ZYG11B: variants seen among roughly 807,000 people sequenced by gnomAD.
ZYG11B encodes the protein zyg-11 family member B, cell cycle regulator.
ZYG11B carries 36 observed loss-of-function variants against 82.4 expected under a neutral mutation model. The ratio of observed to expected loss-of-function variants is 0.44; its 90% CI spans 0.33 to 0.58. ZYG11B has a LOEUF of 0.58. Ranked by LOEUF, ZYG11B falls within the 20% of genes least tolerant of loss-of-function variation. The pLI, the probability that ZYG11B is intolerant of heterozygous loss-of-function variation, is 0.02. For synonymous variants in ZYG11B, 303 were observed against 312.8 expected (o/e 0.97, Z 0.33); for missense variants, 552 against 895.6 (o/e 0.62, Z 4.90).
chr1:52,777,596 A>T (rs1644820700), intron 3 of ZYG11B, among the ~76,000 whole-genome samples: 1 of 152,054 alleles, frequency 6.6e-6, no homozygotes, highest in African/African-American at 2.4e-5. Context: ...ATGCACCATC[A>T]CACGTAACTA....
intron 13 of ZYG11B, among the ~76,000 whole-genome samples, chr1:52,817,540 C>T (rs1213088848): frequency 6.6e-6 from 1 of 150,946 alleles, no homozygotes; most frequent in African/African-American, 2.4e-5. Context: ...TGCACGTCAC[C>T]ATACCTGGCT....
At chr1:52,799,324 A>C (rs997654434) in intron 8 of ZYG11B, among the ~76,000 whole-genome samples, 12 of 151,884 alleles carry the variant, frequency 7.9e-5, no homozygotes, top group Admixed American at 7.2e-4. Context: ...CGTCTCTACT[A>C]AAAATACAAA....
intron 6 of ZYG11B, among the ~76,000 whole-genome samples, chr1:52,791,696 C>T (rs1344606722): frequency 6.6e-6 from 1 of 152,156 alleles, no homozygotes; most frequent in Non-Finnish European, 1.5e-5. Flanking sequence ...CTGTGATTTA[C>T]TTTTATTTGA....
intron 7 of ZYG11B, 99 bp downstream of exon 7, chr1:52,796,490 C>A: frequency 9.3e-7 from 1 of 1,073,220 alleles, no homozygotes; most frequent in Non-Finnish European, 1.4e-6. Context: ...ATTAGTAAAT[C>A]TCTCTGCCAG....
chr1:52,747,970 T>C (rs1644490334), intron 1 of ZYG11B, among the ~76,000 whole-genome samples: 1 of 152,234 alleles, frequency 6.6e-6, no homozygotes, highest in Non-Finnish European at 1.5e-5. Flanking sequence ...AATGAAATTA[T>C]ATATGTAAAG....
chr1:52,811,995 C>T (rs1414538472), intron 10 of ZYG11B, among the ~76,000 whole-genome samples: 2 of 151,974 alleles, frequency 1.3e-5, no homozygotes, highest in African/African-American at 2.4e-5. Flanking sequence ...CGCGCCACTG[C>T]ACTCCAGCCT....
intron 6 of ZYG11B, among the ~76,000 whole-genome samples, chr1:52,794,237 G>A (rs1397875834): frequency 6.6e-6 from 1 of 152,082 alleles, no homozygotes; most frequent in Non-Finnish European, 1.5e-5. Context: ...GCCTCCCAAA[G>A]TGCTGGGATT....
At chr1:52,782,554 A>G (rs1644865612) in intron 4 of ZYG11B, among the ~76,000 whole-genome samples, 1 of 151,780 alleles carries the variant, frequency 6.6e-6, no homozygotes, top group Non-Finnish European at 1.5e-5. Context: ...ACACCTGGCT[A>G]ATTTTTCAAA....
chr1:52,734,441 T>TG (rs1401016976), intron 1 of ZYG11B, among the ~76,000 whole-genome samples: 4 of 36,040 alleles, frequency 1.1e-4, no homozygotes, highest in Non-Finnish European at 1.7e-4. Context: ...GAATAAAAGG[T>TG]TTTTTTTTTT....
rs11446988 is a variant in ZYG11B at position 52,746,687 on chromosome 1, G to GTTTTTTTTTTTTTTTTTTT, written c.31-9762_31-9744dup. ...ACCAAAAAAATAAAGATCGGCCACTGTTTTTTTTTTTTTTTTTTTTTTTTT... is the reference window on the plus strand; with the variant it reads ...ACCAAAAAAATAAAGATCGGCCACTGTTTTTTTTTTTTTTTTTTTTTTTTTTTTTTTTTTTTTTTTTTTT... On this transcript the variant is annotated intron_variant, in intron 1 of 13. Coordinates refer to ENST00000294353, the MANE Select transcript of ZYG11B (RefSeq NM_024646.3). Among the ~76,000 whole-genome samples, 9 of 33,506 alleles carry GTTTTTTTTTTTTTTTTTTT rather than the reference G, an allele frequency of 2.7e-4. 2 individuals are homozygous for GTTTTTTTTTTTTTTTTTTT. The highest frequency in any genetic ancestry group is 7.5e-4 in the African/African-American group (6 of 7,964). 22.0% of individuals were successfully genotyped at this position (33,506 alleles called of 152,430 possible). A position where few individuals can be genotyped will look rare whatever the true frequency, so the allele number is the denominator to read the frequency against.
At chr1:52,793,037 A>G (rs918024034) in intron 6 of ZYG11B, among the ~76,000 whole-genome samples, 2 of 148,690 alleles carry the variant, frequency 1.3e-5, no homozygotes, top group Admixed American at 6.8e-5. Context: ...GCGGGGTTTC[A>G]CCATGTTGGC....
chr1:52,800,112 A>G (rs531499180), intron 8 of ZYG11B, among the ~76,000 whole-genome samples: 1 of 151,462 alleles, frequency 6.6e-6, no homozygotes, highest in African/African-American at 2.4e-5. Context: ...TCTGGCTCTA[A>G]TAAAAAAAAA....
chr1:52,728,549 C>T (rs762664486), intron 1 of ZYG11B, among the ~76,000 whole-genome samples: 13 of 152,208 alleles, frequency 8.5e-5, no homozygotes, highest in African/African-American at 1.4e-4. Flanking sequence ...TGAGCCATCA[C>T]GCCTGGGCAG....
At chr1:52,782,528 A>G (rs1185712124) in intron 4 of ZYG11B, among the ~76,000 whole-genome samples, 2 of 152,102 alleles carry the variant, frequency 1.3e-5, no homozygotes, top group Non-Finnish European at 2.9e-5. Flanking sequence ...GGCTGGGAGT[A>G]TAGGTGTGTG....
rs542967584 is a variant in ZYG11B, at chr1:52,780,754, A to G, written c.1092+761A>G. Reference sequence around the variant, plus strand: ...CAAGTAGCTAGGACTACAGGTGTGTACATCACAGCACCTAGCTATTTTAAC... The same window carrying G: ...CAAGTAGCTAGGACTACAGGTGTGTGCATCACAGCACCTAGCTATTTTAAC... On this transcript the variant is annotated intron_variant, in intron 4 of 13. Transcript: ENST00000294353. Among the ~76,000 whole-genome samples, 105 of 152,306 alleles carry G rather than the reference A, an allele frequency of 6.9e-4. 3 individuals are homozygous for G. In the South Asian group the frequency reaches 0.021, roughly 30 times the overall value.
At chr1:52,803,121 C>CATATATATATATATATATATATATAT (rs1183952286) in intron 10 of ZYG11B, among the ~76,000 whole-genome samples, 6 of 52,506 alleles carry the variant, frequency 1.1e-4, no homozygotes, top group Admixed American at 2.9e-4. Context: ...TATATATACA[C>CATATATATATATATATATATATATAT]ACATATATAT....
At position 52,771,006 on chromosome 1, in the gene ZYG11B, TTG is replaced by T; in HGVS notation, c.197-12_197-11del. ...CTGTTTTTTGAATTTAAAACGCTGC[TTG>T]TTTTTCCACAGGTCTATTGAATGAT... On this transcript the variant is annotated splice_polypyrimidine_tract_variant and intron_variant, in intron 2 of 13. Transcript: ENST00000294353. The surrounding 1 kb of genome is among the most constrained non-coding windows in gnomAD (Gnocchi z 5.4). 6.3e-7 allele frequency: 1 copy of T among 1,583,710 alleles called. No individual in the cohort carries two copies. Among genetic ancestry groups the T allele is most frequent in the Non-Finnish European group, 8.6e-7 (1 of 1,163,452 alleles).
chr1:52,817,821 T>A (rs1373997381), intron 13 of ZYG11B, among the ~76,000 whole-genome samples: 367 of 9,072 alleles, frequency 0.04, no homozygotes, highest in Middle Eastern at 0.17. Context: ...ATATATTTTT[T>A]TTTTTTTTTT....
chr1:52,819,547 G>A (rs989352483), intron 13 of ZYG11B, among the ~76,000 whole-genome samples: 2 of 151,898 alleles, frequency 1.3e-5, no homozygotes, highest in African/African-American at 4.8e-5. Context: ...CAGCACTTTC[G>A]GAGGCCAAGG....
Sources: allele counts gnomAD v4.1 joint callset (sites outside exome capture counted in the v4.1 genomes callset), GRCh38; gene constraint gnomAD v4.1.1; non-coding constraint Gnocchi (gnomAD v3.1); transcripts MANE v1.5; gene names NCBI Gene and HGNC (gene_info 2026-07-23, HGNC 2026-07-21).